The following KLHL13 variants were observed in gnomAD, a reference collection of about 807,000 sequenced individuals.
KLHL13 encodes the protein kelch-like protein 13.
A neutral mutation model predicts 37.1 loss-of-function variants in KLHL13; 10 were observed. That is an observed-to-expected ratio of 0.27 (90% CI 0.17 to 0.46). The LOEUF is 0.46. Ranked by LOEUF, KLHL13 falls within the 20% of genes least tolerant of loss-of-function variation. The pLI is 1.00. For synonymous variants in KLHL13, 163 were observed against 181.2 expected, an observed-to-expected ratio of 0.90 and a Z score of 0.81; for missense variants, 360 against 509.3, an observed-to-expected ratio of 0.71 and a Z score of 2.82.
At chrX:118,001,024 T>C (rs1283689046) in intron 1 of KLHL13, among the ~76,000 whole-genome samples, 15 of 112,116 alleles carry the variant, frequency 1.3e-4, no homozygotes, top group Non-Finnish European at 1.1e-4. Flanking sequence ...AAAGAGCATT[T>C]GAACAAGCAA....
rs35056707 is a variant in KLHL13 at position 118,001,868 on chromosome X, C to CAA, written c.-55-56295_-55-56294dup. 4.7e-3 allele frequency among the ~76,000 whole-genome samples: 196 copies of CAA among 41,714 alleles called. 2 individuals are homozygous for CAA. The highest frequency in any genetic ancestry group is 0.013 in the African/African-American group (182 of 13,532). 36.2% of individuals were successfully genotyped at this position (41,714 alleles called of 115,157 possible). ...AACCTGGGTGAGAGCAAGACCCCGT[C>CAA]AAAAAAAAAAAAAAAAAAAGCCTCC... On this transcript the variant is annotated intron_variant, in intron 1 of 6. Transcript: ENST00000371882.
chrX:118,104,279 AT>A (rs1166180027), intron 1 of KLHL13, among the ~76,000 whole-genome samples: 1 of 111,142 alleles, frequency 9.0e-6, no homozygotes, highest in Non-Finnish European at 1.9e-5. Context: ...GCCAAAAAAA[AT>A]GGCGTGGAGG....
chrX:117,988,234 G>T (rs758658937), intron 1 of KLHL13, among the ~76,000 whole-genome samples: 28 of 112,026 alleles, frequency 2.5e-4, no homozygotes, highest in African/African-American at 9.0e-4. Context: ...GGGAGGAGGG[G>T]TAACTACCTC....
chrX:117,905,705 T>A (rs1451944796), intron 5 of KLHL13, among the ~76,000 whole-genome samples: 1 of 111,386 alleles, frequency 9.0e-6, no homozygotes, highest in Non-Finnish European at 1.9e-5. Flanking sequence ...TATATTTTTA[T>A]GGGGTACATG....
intron 1 of KLHL13, among the ~76,000 whole-genome samples, chrX:118,094,963 T>C (rs777885362): frequency 3.6e-5 from 4 of 111,596 alleles, no homozygotes; most frequent in Admixed American, 9.6e-5. Context: ...CCATCAAGGC[T>C]AGGAAGAAAC....
chrX:117,985,644 C>T (rs1034347927), intron 1 of KLHL13, among the ~76,000 whole-genome samples: 3 of 109,971 alleles, frequency 2.7e-5, no homozygotes, highest in Non-Finnish European at 5.7e-5. Context: ...TGGAGTGAGA[C>T]AAATACTAAC....
exon 7 of KLHL13, chrX:117,899,030 A>T: frequency 8.3e-7 from 1 of 1,211,291 alleles, no homozygotes; most frequent in Non-Finnish European, 1.1e-6. Context: ...ACCTTATGCC[A>T]TTCATCTTTA....
chrX:118,023,024 T>C lies in KLHL13; in HGVS notation c.-55-77449A>G, dbSNP rs751823715. On this transcript the variant is annotated intron_variant, in intron 1 of 6. Transcript: ENST00000371882. ...AGCTTTATGATTTCAGGCCTTACAC[T>C]TTGGTATGTAATCCATTTTGCGTTT... is the stretch of plus-strand genomic sequence containing the variant. Among the ~76,000 whole-genome samples, 11 of 112,042 alleles carry C rather than the reference T, an allele frequency of 9.8e-5. No homozygotes were observed. The East Asian group carries it at 3.1e-3, about 31-fold the overall frequency.
intron 1 of KLHL13, among the ~76,000 whole-genome samples, chrX:118,007,871 C>A (rs2054004923): frequency 1.8e-5 from 2 of 111,416 alleles, no homozygotes; most frequent in Admixed American, 9.5e-5. Flanking sequence ...CAAAGACAGG[C>A]ATGGAAACTA....
intron 1 of KLHL13, among the ~76,000 whole-genome samples, chrX:118,103,246 T>C (rs181147213): frequency 8.9e-6 from 1 of 111,999 alleles, no homozygotes; most frequent in African/African-American, 3.2e-5. Context: ...ATGCATAGAT[T>C]TTTTATTCTA....
At chrX:118,088,633 C>T (rs1408598519) in intron 1 of KLHL13, among the ~76,000 whole-genome samples, 4 of 111,748 alleles carry the variant, frequency 3.6e-5, no homozygotes, top group Non-Finnish European at 5.6e-5. Flanking sequence ...TATAAAGCCA[C>T]TCCAAAATGT....
intron 2 of KLHL13, among the ~76,000 whole-genome samples, chrX:117,929,192 G>C (rs1428726086): frequency 8.9e-6 from 1 of 111,916 alleles, no homozygotes; most frequent in East Asian, 2.8e-4. Context: ...ATTTAAAATT[G>C]TTTCCCCAAG....
chrX:117,960,527 A>G (rs898959145), intron 1 of KLHL13, among the ~76,000 whole-genome samples: 1 of 112,336 alleles, frequency 8.9e-6, no homozygotes, highest in Non-Finnish European at 1.9e-5. Flanking sequence ...AACACCAAAC[A>G]CTAAAGTGCA....
At chrX:117,902,239 A>C (rs1471333176) in intron 5 of KLHL13, among the ~76,000 whole-genome samples, 1 of 111,702 alleles carries the variant, frequency 9.0e-6, no homozygotes, top group Non-Finnish European at 1.9e-5. Flanking sequence ...CATATTTATA[A>C]TTTGACATTT....
chrX:117,953,754 T>C (rs890859036), intron 1 of KLHL13, among the ~76,000 whole-genome samples: 1 of 110,935 alleles, frequency 9.0e-6, no homozygotes, highest in Non-Finnish European at 1.9e-5. Flanking sequence ...AGCATTTCAA[T>C]GCTTAATTTA....
chrX:117,965,676 T>C (rs1191099172), intron 1 of KLHL13, among the ~76,000 whole-genome samples: 2 of 111,412 alleles, frequency 1.8e-5, no homozygotes, highest in Admixed American at 9.5e-5. Flanking sequence ...GCAAACGGAA[T>C]CCAGCAGCAC....
At chrX:118,039,497 C>T (rs897064123) in intron 1 of KLHL13, among the ~76,000 whole-genome samples, 1 of 111,590 alleles carries the variant, frequency 9.0e-6, no homozygotes, top group Non-Finnish European at 1.9e-5. Flanking sequence ...AGTGGCTCCT[C>T]TGCTTCAGGA....
At chrX:117,963,062 G>A (rs1039934423) in intron 1 of KLHL13, among the ~76,000 whole-genome samples, 5 of 111,915 alleles carry the variant, frequency 4.5e-5, no homozygotes, top group African/African-American at 1.6e-4. Context: ...ATACATGCTA[G>A]ATTAAAATTT....
chrX:117,945,187 G>A (rs1478488553), intron 2 of KLHL13, among the ~76,000 whole-genome samples: 1 of 111,854 alleles, frequency 8.9e-6, no homozygotes, highest in East Asian at 2.8e-4. Flanking sequence ...CCTCAGGAAT[G>A]TGTGCATTCC....
Sources: gnomAD v4.1 joint callset for allele counts (sites outside exome capture counted in the v4.1 genomes callset) on GRCh38, gnomAD v4.1.1 for gene constraint, MANE v1.5 for transcripts, NCBI Gene and HGNC (gene_info 2026-07-23, HGNC 2026-07-21) for gene names.